MIPEP: variants seen among roughly 807,000 people sequenced by gnomAD.
MIPEP encodes the protein mitochondrial intermediate peptidase.
In MIPEP, 79 loss-of-function variants were observed where a neutral mutation model predicts 90.3. The observed-to-expected ratio is 0.87, with a 90% confidence interval of 0.73 to 1.05. MIPEP has a LOEUF of 1.05. Ranked by LOEUF, MIPEP falls within the 50% of genes least tolerant of loss-of-function variation. The probability of loss-of-function intolerance (pLI) is 0.00; values close to 1 mark genes in which losing one functional copy is unlikely to be tolerated. For synonymous variants in MIPEP, 334 were observed against 315.8 expected, an observed-to-expected ratio of 1.06 and a Z score of -0.61; for missense variants, 940 against 905.6, an observed-to-expected ratio of 1.04 and a Z score of -0.49.
intron 18 of MIPEP, among the ~76,000 whole-genome samples, chr13:23,737,430 G>C (rs1395255710): frequency 2.0e-5 from 3 of 152,090 alleles, no homozygotes; most frequent in Admixed American, 2.0e-4. Flanking sequence ...ATGCTTTCTG[G>C]GTGGTCTCCA....
intron 18 of MIPEP, among the ~76,000 whole-genome samples, chr13:23,732,314 C>A (rs1473811412): frequency 1.3e-5 from 2 of 152,028 alleles, no homozygotes; most frequent in Non-Finnish European, 1.5e-5. Context: ...TGTGTGCAAC[C>A]TGAATTGTCA....
chr13:23,741,294 T>C (rs1173163178), intron 18 of MIPEP, among the ~76,000 whole-genome samples: 2 of 152,122 alleles, frequency 1.3e-5, no homozygotes, highest in Admixed American at 1.3e-4. Context: ...AGAACTACCA[T>C]CTGACCCAGC....
chr13:23,775,926 G>A (rs1952710505), intron 16 of MIPEP, among the ~76,000 whole-genome samples: 1 of 152,144 alleles, frequency 6.6e-6, no homozygotes, highest in Admixed American at 6.5e-5. Flanking sequence ...TTTGGTAAAT[G>A]TGTTGCTGAG....
chr13:23,865,333 A>G (rs1354945000), intron 7 of MIPEP, among the ~76,000 whole-genome samples: 2 of 152,188 alleles, frequency 1.3e-5, no homozygotes, highest in Admixed American at 6.5e-5. Context: ...TTTTGAGTGA[A>G]ATAAAAGACT....
At chr13:23,788,021 G>T (rs1305571115) in intron 16 of MIPEP, among the ~76,000 whole-genome samples, 1 of 152,146 alleles carries the variant, frequency 6.6e-6, no homozygotes. Context: ...GCTGGAGGAG[G>T]GTGGGTGTGC....
At chr13:23,853,322 A>G (rs889366855) in intron 10 of MIPEP, among the ~76,000 whole-genome samples, 4 of 152,172 alleles carry the variant, frequency 2.6e-5, no homozygotes, top group Admixed American at 1.3e-4. Flanking sequence ...AGCCCTATAC[A>G]GGTATACCAT....
At chr13:23,750,595 C>T (rs536666393) in intron 18 of MIPEP, among the ~76,000 whole-genome samples, 2 of 152,296 alleles carry the variant, frequency 1.3e-5, no homozygotes, top group East Asian at 3.9e-4. Context: ...GATCATCTGA[C>T]TGAGGTCGTA....
intron 14 of MIPEP, among the ~76,000 whole-genome samples, chr13:23,834,320 G>A (rs992406423): frequency 6.6e-6 from 1 of 152,258 alleles, no homozygotes; most frequent in East Asian, 1.9e-4. Flanking sequence ...CAACCCATAT[G>A]CCCGTGTTTT....
intron 1 of MIPEP, among the ~76,000 whole-genome samples, chr13:23,887,635 T>C (rs2137546796): frequency 6.6e-6 from 1 of 152,278 alleles, no homozygotes; most frequent in African/African-American, 2.4e-5. Flanking sequence ...TCCAATAGAA[T>C]GTCTAACACA....
chr13:23,808,663 A>G (rs931445601), intron 15 of MIPEP, among the ~76,000 whole-genome samples: 1 of 152,224 alleles, frequency 6.6e-6, no homozygotes, highest in Admixed American at 6.5e-5. Flanking sequence ...CAGGCCTTCT[A>G]CTAAAGATAT....
In MIPEP at chr13:23,874,908, G is replaced by A. The variant is rs866158774; in HGVS notation, c.541C>T (p.Arg181Ter). The A allele has an allele frequency of 5.0e-6, 8 of 1,596,110 alleles. No homozygotes were observed. Among genetic ancestry groups the A allele is most frequent in the East Asian group, 2.3e-5 (1 of 44,062 alleles). Residue 181 changes from arginine (R) to a stop codon, truncating the protein, a stop_gained and splice_region_variant, in exon 5 of 19, where the codon CGA becomes TGA. Coordinates refer to ENST00000382172, the MANE Select transcript of MIPEP (RefSeq NM_005932.4). LOFTEE classifies it high-confidence loss of function. The part of the protein sequence containing the change: ...LVDSLDPETR[R>*]VAELFMFDFE... ...TCAAACATAAACAGTTCAGCCACTC[G>A]CCTATAAATGAAATGAGCCCCAGGT... is the stretch of plus-strand genomic sequence containing the variant.
At position 23,730,340 on chromosome 13, in the gene MIPEP, T is replaced by G. The variant is rs1337976886; in HGVS notation, c.*8A>C. 3.8e-6 allele frequency: 6 copies of G among 1,580,856 alleles called. No individual in the cohort carries two copies. In the Admixed American group the frequency reaches 1.0e-4, roughly 26 times the overall value. On this transcript the variant is annotated 3_prime_UTR_variant, in exon 19 of 19. Transcript: ENST00000382172. Reference sequence around the variant, plus strand: ...TGACCTTGATTTAAGAGGTGTAGAGTGTTTCTTTTATTCAGAATCCATGAG... The same window carrying G: ...TGACCTTGATTTAAGAGGTGTAGAGGGTTTCTTTTATTCAGAATCCATGAG...
At chr13:23,796,822 C>T (rs1012365193) in intron 16 of MIPEP, among the ~76,000 whole-genome samples, 1 of 152,178 alleles carries the variant, frequency 6.6e-6, no homozygotes, top group Non-Finnish European at 1.5e-5. Context: ...ATCATGGTAA[C>T]AGCAGTGTCA....
intron 18 of MIPEP, among the ~76,000 whole-genome samples, chr13:23,745,901 G>C (rs1952377817): frequency 6.6e-6 from 1 of 151,666 alleles, no homozygotes; most frequent in African/African-American, 2.4e-5. Flanking sequence ...CTGAGCTCCA[G>C]CCTGGATGAC....
chr13:23,841,499 G>A lies in MIPEP; in HGVS notation c.1107-11C>T. The A allele has an allele frequency of 6.3e-7, 1 of 1,588,544 alleles. No homozygotes were observed. The highest frequency in any genetic ancestry group is 1.2e-5 in the South Asian group (1 of 85,876). Reference sequence around the variant, plus strand: ...GGCTCAATATTATACCTAAGAGAAGGAAGAGAGGTTCAACAGCATCTTTGT... The same window carrying A: ...GGCTCAATATTATACCTAAGAGAAGAAAGAGAGGTTCAACAGCATCTTTGT... On this transcript the variant is annotated splice_polypyrimidine_tract_variant and intron_variant, in intron 10 of 18. Coordinates refer to ENST00000382172, the MANE Select transcript of MIPEP (RefSeq NM_005932.4).
At chr13:23,834,870 A>C (rs1480626179) in intron 14 of MIPEP, among the ~76,000 whole-genome samples, 2 of 152,098 alleles carry the variant, frequency 1.3e-5, no homozygotes, top group African/African-American at 2.4e-5. Context: ...ATGCCTCTCT[A>C]TGTTATTGGC....
At chr13:23,837,864 T>G in intron 12 of MIPEP, 108 bp from the exon 13 acceptor site, 1 of 711,622 alleles carries the variant, frequency 1.4e-6, no homozygotes, top group South Asian at 1.9e-5. Context: ...AGTGCAAACT[T>G]TAACTTAATT....
At chr13:23,853,304 G>C (rs1869890305) in intron 10 of MIPEP, among the ~76,000 whole-genome samples, 2 of 152,116 alleles carry the variant, frequency 1.3e-5, no homozygotes, top group South Asian at 4.2e-4. Flanking sequence ...AGCTCCATTT[G>C]TGGTAAGAGC....
intron 16 of MIPEP, among the ~76,000 whole-genome samples, chr13:23,775,301 G>C (rs1249593465): frequency 6.6e-6 from 1 of 152,012 alleles, no homozygotes; most frequent in Non-Finnish European, 1.5e-5. Flanking sequence ...TGAATAGAAG[G>C]GGCAATGGCA....
Sources: gnomAD v4.1 joint callset for allele counts (sites outside exome capture counted in the v4.1 genomes callset) on GRCh38, gnomAD v4.1.1 for gene constraint, MANE v1.5 for transcripts, NCBI Gene and HGNC (gene_info 2026-07-23, HGNC 2026-07-21) for gene names.